MYO10: variants seen among roughly 807,000 people sequenced by gnomAD.
MYO10 encodes unconventional myosin-X.
A neutral mutation model predicts 257.3 loss-of-function variants in MYO10; 133 were observed. The observed-to-expected ratio is 0.52, with a 90% CI of 0.45 to 0.60. MYO10 has a LOEUF of 0.60. MYO10 is among the 20% of genes least tolerant of loss of function. The probability of loss-of-function intolerance (pLI) is 0.00; values close to 1 mark genes in which losing one functional copy is unlikely to be tolerated. For missense variants in MYO10, 2,399 were observed against 2,635.7 expected, an observed-to-expected ratio of 0.91 and a Z score of 1.97; for synonymous variants, 1,104 against 1,028.6, an observed-to-expected ratio of 1.07 and a Z score of -1.40.
intron 19 of MYO10, among the ~76,000 whole-genome samples, chr5:16,713,705 G>T (rs2126583354): frequency 6.6e-6 from 1 of 152,330 alleles, no homozygotes; most frequent in Non-Finnish European, 1.5e-5. Context: ...TCACGAGGGG[G>T]TAGATCTGGA....
chr5:16,889,476 AAAGAAG>A (rs1561041072), intron 1 of MYO10, among the ~76,000 whole-genome samples: 2 of 135,672 alleles, frequency 1.5e-5, no homozygotes, highest in Non-Finnish European at 3.1e-5. Flanking sequence ...GGAAGAAAAG[AAAGAAG>A]GAAGGAAGGA....
rs1561171579 is a variant in MYO10 at position 16,676,028 on chromosome 5, T to TA, written c.4666+2dup. On this transcript the variant is annotated splice_region_variant and intron_variant, in intron 34 of 40. Coordinates refer to ENST00000513610, the MANE Select transcript of MYO10 (RefSeq NM_012334.3). ...AGGAGTCGGGGTGGAGCTCTGGACT[T>TA]ACAGTTGAGATTTATGTCCCCATAC... The TA allele has an allele frequency of 3.7e-6, 6 of 1,606,368 alleles. No individual in the cohort carries two copies. Among genetic ancestry groups the TA allele is most frequent in the Non-Finnish European group, 5.1e-6 (6 of 1,177,406 alleles).
chr5:16,858,788 T>C (rs1057262341), intron 2 of MYO10, among the ~76,000 whole-genome samples: 3 of 152,010 alleles, frequency 2.0e-5, no homozygotes, highest in Admixed American at 6.6e-5. Context: ...TGAAACCCCA[T>C]CTCTACTAAA....
intron 3 of MYO10, among the ~76,000 whole-genome samples, chr5:16,817,154 T>C (rs1368890710): frequency 6.6e-6 from 1 of 152,138 alleles, no homozygotes; most frequent in Non-Finnish European, 1.5e-5. Flanking sequence ...CACAAACATA[T>C]TGGCAAAGAA....
chr5:16,935,602 C>T (rs566963326), intron 1 of MYO10, among the ~76,000 whole-genome samples, 186 bp downstream of exon 1: 18 of 152,120 alleles, frequency 1.2e-4, no homozygotes, highest in African/African-American at 4.3e-4. Flanking sequence ...CGGGACAGGA[C>T]GAAACAAAAC....
intron 1 of MYO10, among the ~76,000 whole-genome samples, chr5:16,919,094 C>T (rs925981022): frequency 3.9e-5 from 6 of 152,020 alleles, no homozygotes; most frequent in African/African-American, 1.2e-4. Flanking sequence ...CCTACCAGAA[C>T]GGCCAGGAGT....
rs377081547 is a variant in MYO10 at position 16,799,630 on chromosome 5, T to A, written c.280-4797A>T. ...GTCTCAGCTTCCCAAGTAGCTGGGA[T>A]AACAGGTGTGTGCCCCTACGCCCAC... is the stretch of plus-strand genomic sequence containing the variant. On this transcript the variant is annotated intron_variant, in intron 3 of 40. Transcript: ENST00000513610. Among the ~76,000 whole-genome samples, 9 of 152,140 alleles carry A rather than the reference T, an allele frequency of 5.9e-5. No homozygotes were observed. In the South Asian group the frequency reaches 1.2e-3, roughly 21 times the overall value.
intron 2 of MYO10, among the ~76,000 whole-genome samples, chr5:16,847,884 A>G (rs1430166904): frequency 1.3e-5 from 2 of 152,190 alleles, no homozygotes; most frequent in African/African-American, 2.4e-5. Context: ...GCAACATAGC[A>G]AGACCCTGTC....
chr5:16,934,381 T>A (rs1746376699), intron 1 of MYO10, among the ~76,000 whole-genome samples: 1 of 152,192 alleles, frequency 6.6e-6, no homozygotes, highest in Non-Finnish European at 1.5e-5. Flanking sequence ...ACAACAAAGT[T>A]AAGAATCATT....
At chr5:16,728,567 G>A (rs1463262946) in intron 19 of MYO10, among the ~76,000 whole-genome samples, 2 of 150,794 alleles carry the variant, frequency 1.3e-5, no homozygotes, top group East Asian at 1.9e-4. Context: ...AAAGTTAAAC[G>A]GCATATAATG....
At chr5:16,675,685 C>A (rs575130451) in intron 34 of MYO10, among the ~76,000 whole-genome samples, 2 of 152,246 alleles carry the variant, frequency 1.3e-5, no homozygotes, top group African/African-American at 4.8e-5. Context: ...TTGCAGTGAA[C>A]CAAGATTGCA....
At chr5:16,885,771 G>A (rs1580114637) in intron 1 of MYO10, among the ~76,000 whole-genome samples, 1 of 152,096 alleles carries the variant, frequency 6.6e-6, no homozygotes, top group South Asian at 2.1e-4. Context: ...CGAGCCACAA[G>A]GATGAGGGAG....
intron 19 of MYO10, among the ~76,000 whole-genome samples, chr5:16,725,548 A>C (rs528478057): frequency 6.6e-6 from 1 of 152,350 alleles, no homozygotes; most frequent in Non-Finnish European, 1.5e-5. Flanking sequence ...CCATGATGAT[A>C]AAATTAAGTG....
intron 2 of MYO10, among the ~76,000 whole-genome samples, chr5:16,857,409 T>C (rs745383006): frequency 7.2e-5 from 11 of 152,170 alleles, no homozygotes; most frequent in Non-Finnish European, 1.3e-4. Context: ...AGACGGTGTA[T>C]GAGATGCTTT....
intron 2 of MYO10, among the ~76,000 whole-genome samples, chr5:16,849,683 T>C (rs946462758): frequency 6.6e-6 from 1 of 152,186 alleles, no homozygotes; most frequent in Non-Finnish European, 1.5e-5. Context: ...TGGAGAAACA[T>C]CTAAATGATG....
At chr5:16,720,631 T>C (rs1430220405) in intron 19 of MYO10, among the ~76,000 whole-genome samples, 1 of 152,076 alleles carries the variant, frequency 6.6e-6, no homozygotes, top group Non-Finnish European at 1.5e-5. Flanking sequence ...GCTAATTTTT[T>C]GTATTTTTAG....
In MYO10 at chr5:16,794,673, C is replaced by T. The variant is rs1332556819; in HGVS notation, c.440G>A (p.Arg147His). The change falls in exon 4 of 41, where the codon CGC (arginine) becomes CAC (histidine). Residue 147 changes from arginine to histidine, a missense_variant. Transcript: ENST00000513610. ...GATGAGGATGCACTGGTTGTCGTGGCGCTTCCACAGGCAGCGGTAGCACTC... is the reference window on the plus strand; with the variant it reads ...GATGAGGATGCACTGGTTGTCGTGGTGCTTCCACAGGCAGCGGTAGCACTC... ...ANECYRCLWK[R>H]HDNQCILISG... 40 of 1,611,932 alleles carry T rather than the reference C, an allele frequency of 2.5e-5. No individual in the cohort carries two copies. The highest frequency in any genetic ancestry group is 2.9e-5 in the Non-Finnish European group (34 of 1,179,098).
chr5:16,862,164 C>G (rs1017314627), intron 2 of MYO10, among the ~76,000 whole-genome samples: 2 of 152,168 alleles, frequency 1.3e-5, no homozygotes, highest in Non-Finnish European at 2.9e-5. Context: ...GAATGGGATT[C>G]CCTAATGTCA....
rs1223169709 is a variant in MYO10 at position 16,681,360 on chromosome 5, T to G, written c.4333A>C (p.Asn1445His). ...NALKLGTLVL[N>H]SLCSVVPPDE... ...GGGGGGACGACAGAGCAGAGGCTGT[T>G]GAGGACCAGGGTCCCCAGTTTGAGC... is the stretch of plus-strand genomic sequence containing the variant. Residue 1445 changes from asparagine (N) to histidine (H), a missense_variant, in exon 32 of 41, where the codon AAC (asparagine) becomes CAC (histidine). By Grantham distance (68) the Asn-to-His change is moderately conservative (BLOSUM62 1). Coordinates refer to ENST00000513610, the MANE Select transcript of MYO10 (RefSeq NM_012334.3). The G allele has an allele frequency of 6.2e-7, 1 of 1,613,872 alleles. No homozygotes were observed. The highest frequency in any genetic ancestry group is 1.3e-5 in the African/African-American group (1 of 74,942).
Sources: allele counts gnomAD v4.1 joint callset (sites outside exome capture counted in the v4.1 genomes callset), GRCh38; gene constraint gnomAD v4.1.1; transcripts MANE v1.5; gene names NCBI Gene and HGNC (gene_info 2026-07-23, HGNC 2026-07-21).